POLR3C: variants seen among roughly 807,000 people sequenced by gnomAD.
POLR3C encodes RNA polymerase III subunit C, also known as DNA-directed RNA polymerase III subunit RPC3.
Under a neutral mutation model 65.9 loss-of-function variants are expected in POLR3C, and 44 were observed. The ratio of observed to expected loss-of-function variants is 0.67; its 90% confidence interval spans 0.52 to 0.86. The LOEUF is 0.86. Among genes scored for constraint, POLR3C ranks in the 40% least tolerant of loss-of-function variants. The probability of loss-of-function intolerance (pLI) is 0.00; values close to 1 mark genes in which losing one functional copy is unlikely to be tolerated. For synonymous variants in POLR3C, 263 were observed against 231.6 expected (o/e 1.14, Z -1.23); for missense variants, 576 against 653.2 (o/e 0.88, Z 1.29).
intron 9 of POLR3C, 58 bp downstream of exon 9, chr1:145,836,924 T>A (rs1651901285): frequency 1.2e-6 from 1 of 834,976 alleles, no homozygotes; most frequent in Non-Finnish European, 2.0e-6. Flanking sequence ...ATCAGAATGG[T>A]GCCTTAGGAA....
In POLR3C at chr1:145,837,567, A is replaced by G. The variant is rs1553729117; in HGVS notation, c.1041A>G (p.Thr347=). The G allele has an allele frequency of 5.0e-6, 8 of 1,608,160 alleles. No individual in the cohort carries two copies. The highest frequency in any genetic ancestry group is 6.8e-6 in the Non-Finnish European group (8 of 1,176,732). ...NLHKALASLA[T]ATLESVVQER... is the part of the protein sequence containing the mutation. The stretch of plus-strand genomic sequence containing the variant: ...ATAAGGCATTAGCATCCCTAGCCAC[A>G]GCCACTCTGGAGTCCGTCGTACAGG... Residue 347 remains threonine, a synonymous_variant, in exon 10 of 15, where the codon ACA becomes ACG. Transcript: ENST00000334163.
In POLR3C at chr1:145,840,170, G is replaced by A; in HGVS notation, c.1373+5G>A. The A allele has an allele frequency of 1.3e-6, 2 of 1,559,530 alleles. No individual in the cohort carries two copies. The highest frequency in any genetic ancestry group is 2.2e-5 in the South Asian group (2 of 89,948). ...ATTTGAAACCAAAGAGAATAAGTAA[G>A]TAACATTTTCAGTTGAGTTATTTAC... is the stretch of plus-strand genomic sequence containing the variant. On this transcript the variant is annotated splice_donor_5th_base_variant and intron_variant, in intron 13 of 14. Coordinates refer to ENST00000334163, the MANE Select transcript of POLR3C (RefSeq NM_006468.8).
At chr1:145,840,271 G>A (rs1242641767) in intron 13 of POLR3C, 106 bp downstream of exon 13, 25 of 751,710 alleles carry the variant, frequency 3.3e-5, no homozygotes, top group Non-Finnish European at 5.4e-5. Context: ...CTGGCAGGGT[G>A]GCTCATGCCT....
At chr1:145,836,175 C>T (rs1450741370) in intron 7 of POLR3C, among the ~76,000 whole-genome samples, 2 of 151,350 alleles carry the variant, frequency 1.3e-5, no homozygotes, top group Non-Finnish European at 2.9e-5. Flanking sequence ...GGCTGGAGTC[C>T]ATTGGCGCAA....
intron 10 of POLR3C, 103 bp from the exon 11 acceptor site, chr1:145,837,952 TG>T: frequency 9.8e-7 from 1 of 1,015,640 alleles, no homozygotes; most frequent in East Asian, 2.4e-5. Context: ...TGTTCCTGTC[TG>T]GTACTGGCTT....
At position 145,842,607 on chromosome 1, in the gene POLR3C, C is replaced by T; in HGVS notation, c.*187C>T. 4.9e-6 allele frequency: 3 copies of T among 606,220 alleles called. No individual in the cohort carries two copies. In the East Asian group the frequency reaches 8.5e-5, roughly 17 times the overall value. 37.6% of individuals were successfully genotyped at this position (606,220 alleles called of 1,614,324 possible). A position where few individuals can be genotyped will look rare whatever the true frequency, so the allele number is the denominator to read the frequency against. Reference sequence around the variant, plus strand: ...TTTAGATCCATTGCTGTAGTCTCCCCTCATCAAATCTTGGCAGTGGGAAGA... The same window carrying T: ...TTTAGATCCATTGCTGTAGTCTCCCTTCATCAAATCTTGGCAGTGGGAAGA... On this transcript the variant is annotated 3_prime_UTR_variant, in exon 15 of 15. Coordinates refer to ENST00000334163, the MANE Select transcript of POLR3C (RefSeq NM_006468.8).
Position 145,824,221 on chromosome 1 carries a change from T to G in POLR3C, c.-169T>G, listed in dbSNP as rs1650493993. 1 of 289,872 alleles carries G rather than the reference T, an allele frequency of 3.4e-6. No homozygotes were observed. The allele number at this position is 289,872 out of a possible 1,614,324, so 18.0% of individuals were successfully genotyped here. On this transcript the variant is annotated 5_prime_UTR_variant, in exon 1 of 15. Coordinates refer to ENST00000334163, the MANE Select transcript of POLR3C (RefSeq NM_006468.8). ...GGGTAGAGTGGCACGCGCTTTTTGC[T>G]TTTCCGCGTCTTCTTCGGTGGCGAT...
In POLR3C at chr1:145,840,099, G is replaced by C; in HGVS notation, c.1324-17G>C. On this transcript the variant is annotated splice_polypyrimidine_tract_variant and intron_variant, in intron 12 of 14. Coordinates refer to ENST00000334163, the MANE Select transcript of POLR3C (RefSeq NM_006468.8). Reference sequence around the variant, plus strand: ...ATAGAACTATGTGCATTCCTTGTCTGTCTTCTCTTTCCTCAGAGCATAGCC... The same window carrying C: ...ATAGAACTATGTGCATTCCTTGTCTCTCTTCTCTTTCCTCAGAGCATAGCC... 16 of 1,601,518 alleles carry C rather than the reference G, an allele frequency of 1.0e-5. No homozygotes were observed. Among genetic ancestry groups the C allele is most frequent in the Non-Finnish European group, 1.4e-5 (16 of 1,168,502 alleles).
intron 12 of POLR3C, 25 bp downstream of exon 12, chr1:145,840,016 C>G: frequency 6.5e-7 from 1 of 1,527,716 alleles, no homozygotes; most frequent in Non-Finnish European, 9.1e-7. Flanking sequence ...ACCTTCTCCC[C>G]ATTTCCTCCA....
Sources: gnomAD v4.1 joint callset for allele counts (sites outside exome capture counted in the v4.1 genomes callset) on GRCh38, gnomAD v4.1.1 for gene constraint, MANE v1.5 for transcripts, NCBI Gene and HGNC (gene_info 2026-07-23, HGNC 2026-07-21) for gene names.